Variants in ZNF532 observed in about 807,000 individuals in gnomAD.
The protein encoded by ZNF532 is zinc finger protein 532.
ZNF532 carries 22 observed loss-of-function variants against 89.3 expected under a neutral mutation model. The observed-to-expected ratio is 0.25, with a 90% confidence interval of 0.18 to 0.35. The LOEUF (loss-of-function observed/expected upper bound fraction) is 0.35, where lower values mean the gene tolerates loss of function less well. Ranked by LOEUF, ZNF532 falls within the 10% of genes least tolerant of loss-of-function variation. The pLI, the probability that ZNF532 is intolerant of heterozygous loss-of-function variation, is 1.00. For missense variants in ZNF532, 1,132 were observed against 1,643.4 expected, an observed-to-expected ratio of 0.69 and a Z score of 5.38; for synonymous variants, 606 against 649.6, an observed-to-expected ratio of 0.93 and a Z score of 1.02.
Position 58,865,078 on chromosome 18 carries a change from C to T in ZNF532, c.-435C>T, listed in dbSNP as rs946191713. On this transcript the variant is annotated 5_prime_UTR_variant, in exon 1 of 10. Transcript: ENST00000591808. ...AGGGTCTGAGATTACTTGGGCTTTT[C>T]CTGCCTTTTTCTTTTGCTTAAGGGA... is the stretch of plus-strand genomic sequence containing the variant. The T allele has an allele frequency of 1.3e-5, 2 of 152,086 alleles. No homozygotes were observed. Among genetic ancestry groups the T allele is most frequent in the Non-Finnish European group, 2.9e-5 (2 of 68,036 alleles). 9.4% of individuals were successfully genotyped at this position (152,086 alleles called of 1,614,324 possible).
chr18:58,973,246 G>T (rs761214274), intron 7 of ZNF532, among the ~76,000 whole-genome samples: 22 of 152,162 alleles, frequency 1.4e-4, no homozygotes, highest in Non-Finnish European at 3.2e-4. Flanking sequence ...GGGATTACAG[G>T]CATGCACCAC....
intron 2 of ZNF532, among the ~76,000 whole-genome samples, chr18:58,888,548 C>T (rs191662089): frequency 2.4e-3 from 353 of 148,396 alleles, no homozygotes; most frequent in Middle Eastern, 6.9e-3. Context: ...TGGTGACGCA[C>T]GCCTGTAACC....
chr18:58,866,006 T>C (rs1412612602), intron 2 of ZNF532, among the ~76,000 whole-genome samples: 2 of 152,244 alleles, frequency 1.3e-5, no homozygotes, highest in Non-Finnish European at 2.9e-5. Context: ...GATTTGCCTT[T>C]TGTTCATTCA....
chr18:58,915,011 A>G (rs1348726582), intron 2 of ZNF532, among the ~76,000 whole-genome samples: 1 of 152,130 alleles, frequency 6.6e-6, no homozygotes, highest in Non-Finnish European at 1.5e-5. Flanking sequence ...GGAGTTATAC[A>G]TTTTTTTCCC....
intron 2 of ZNF532, among the ~76,000 whole-genome samples, chr18:58,909,893 T>C (rs17834487): frequency 0.1 from 15,575 of 152,158 alleles, 1,391 homozygotes; most frequent in East Asian, 0.39. Flanking sequence ...CTTTGTATTA[T>C]GTCACATAGC....
At chr18:58,921,220 A>T (rs745437551) in intron 3 of ZNF532, among the ~76,000 whole-genome samples, 2 of 152,176 alleles carry the variant, frequency 1.3e-5, no homozygotes, top group Non-Finnish European at 2.9e-5. Context: ...TCGTTTGGTC[A>T]TTGGAATGTA....
intron 2 of ZNF532, among the ~76,000 whole-genome samples, chr18:58,867,979 G>T (rs1301062585): frequency 6.6e-6 from 1 of 152,190 alleles, no homozygotes; most frequent in Non-Finnish European, 1.5e-5. Flanking sequence ...AGAATCTTCT[G>T]ATGCCTTTGA....
At chr18:58,956,224 G>C (rs11665010) in intron 7 of ZNF532, among the ~76,000 whole-genome samples, 31,531 of 152,198 alleles carry the variant, frequency 0.21, 4,276 homozygotes, top group Middle Eastern at 0.37. Flanking sequence ...GTGTGTGCAC[G>C]CATGTGCCCT....
chr18:58,919,038 A>T lies in ZNF532; in HGVS notation c.751A>T (p.Thr251Ser). Residue 251 changes from threonine (T) to serine (S), a missense_variant, in exon 3 of 10, where the codon ACC becomes TCC. This residue lies in a region of ZNF532 where 302 missense variants were observed against 319.8 expected (regional missense o/e 0.94). Coordinates refer to ENST00000591808, the MANE Select transcript of ZNF532 (RefSeq NM_001375912.1). The surrounding 1 kb of genome is among the most constrained non-coding windows in gnomAD (Gnocchi z 6.1). Reference sequence around the variant, plus strand: ...GAAGCTGAGCTCCGAGAAGAATGACACCAGCCTCCCCAGCGTTGCGCCATC... The same window carrying T: ...GAAGCTGAGCTCCGAGAAGAATGACTCCAGCCTCCCCAGCGTTGCGCCATC... ...DGKLSSEKND[T>S]SLPSVAPSKT... is the part of the protein sequence containing the mutation. 6 of 1,613,906 alleles carry T rather than the reference A, an allele frequency of 3.7e-6. No homozygotes were observed. The highest frequency in any genetic ancestry group is 5.1e-6 in the Non-Finnish European group (6 of 1,180,028).
Position 58,982,623 on chromosome 18 carries a change from A to AC in ZNF532, c.3411+1013dup, listed in dbSNP as rs968812388. On this transcript the variant is annotated intron_variant, in intron 9 of 9. Coordinates refer to ENST00000591808, the MANE Select transcript of ZNF532 (RefSeq NM_001375912.1). ...GGCAATAGAACGAGACTCTGTCTCC[A>AC]CCCCCCCAAAAAAAGTTAGCAGATA... is the stretch of plus-strand genomic sequence containing the variant. Among the ~76,000 whole-genome samples the AC allele has an allele frequency of 4.9e-4, 74 of 151,388 alleles. 1 individual carries two copies. The highest frequency in any genetic ancestry group is 1.6e-3 in the African/African-American group (66 of 41,190).
intron 7 of ZNF532, among the ~76,000 whole-genome samples, chr18:58,970,756 A>G (rs934197869): frequency 3.3e-5 from 5 of 152,256 alleles, no homozygotes; most frequent in African/African-American, 9.6e-5. Context: ...AGGTTTGTTT[A>G]GGGTCTGCAG....
At chr18:58,964,262 T>C (rs951304476) in intron 7 of ZNF532, 8 of 152,180 alleles carry the variant, frequency 5.3e-5, no homozygotes, top group African/African-American at 1.7e-4. Context: ...GTAAAAAATT[T>C]TTTAAAAAAC....
chr18:58,876,939 A>T (rs1230200026), intron 2 of ZNF532, among the ~76,000 whole-genome samples: 1 of 152,148 alleles, frequency 6.6e-6, no homozygotes, highest in Non-Finnish European at 1.5e-5. Flanking sequence ...GTGCACCCGT[A>T]GTCCTAGCTA....
At chr18:58,886,688 A>G (rs2058325783) in intron 2 of ZNF532, among the ~76,000 whole-genome samples, 1 of 152,194 alleles carries the variant, frequency 6.6e-6, no homozygotes, top group African/African-American at 2.4e-5. Flanking sequence ...CTATGTTACA[A>G]ATAACTGTGC....
chr18:58,927,096 C>A (rs1228764333), intron 3 of ZNF532, among the ~76,000 whole-genome samples: 2 of 152,120 alleles, frequency 1.3e-5, no homozygotes, highest in Non-Finnish European at 2.9e-5. Flanking sequence ...GTTAGTTTTT[C>A]TTTGGTAGAA....
intron 2 of ZNF532, among the ~76,000 whole-genome samples, chr18:58,909,811 C>T (rs568506346): frequency 1.8e-4 from 27 of 152,274 alleles, no homozygotes; most frequent in African/African-American, 6.5e-4. Flanking sequence ...CAGGGAGGCG[C>T]TATGGCCACC....
intron 2 of ZNF532, among the ~76,000 whole-genome samples, chr18:58,894,563 A>G (rs886337764): frequency 6.6e-6 from 1 of 152,144 alleles, no homozygotes; most frequent in Non-Finnish European, 1.5e-5. Context: ...AATCAAATCC[A>G]GTAAACCATG....
chr18:58,962,801 C>T (rs2065494159), intron 7 of ZNF532, among the ~76,000 whole-genome samples: 1 of 152,088 alleles, frequency 6.6e-6, no homozygotes, highest in African/African-American at 2.4e-5. Context: ...CGGGGTTTCA[C>T]CATGTTAGCC....
chr18:58,940,671 GC>G (rs1242145863), intron 5 of ZNF532, among the ~76,000 whole-genome samples: 1 of 152,180 alleles, frequency 6.6e-6, no homozygotes, highest in Non-Finnish European at 1.5e-5. Context: ...GCACAACAGT[GC>G]CTGTGTCTGG....
Sources: allele counts gnomAD v4.1 joint callset (sites outside exome capture counted in the v4.1 genomes callset), GRCh38; gene constraint gnomAD v4.1.1; regional missense constraint gnomAD v4.1.1; non-coding constraint Gnocchi (gnomAD v3.1); transcripts MANE v1.5; gene names NCBI Gene and HGNC (gene_info 2026-07-23, HGNC 2026-07-21).